The following TSC2 variants were observed in gnomAD, a reference collection of about 807,000 sequenced individuals.
TSC2 encodes the protein tuberin.
A neutral mutation model predicts 202.2 loss-of-function variants in TSC2; 29 were observed. The ratio of observed to expected loss-of-function variants is 0.14; its 90% CI spans 0.11 to 0.20. TSC2 has a LOEUF of 0.20. Ranked by LOEUF, TSC2 falls within the 10% of genes least tolerant of loss-of-function variation. TSC2 has a pLI of 1.00. For synonymous variants in TSC2, 1,349 were observed against 1,044.0 expected, an observed-to-expected ratio of 1.29 and a Z score of -5.63; for missense variants, 2,429 against 2,420.0, an observed-to-expected ratio of 1.00 and a Z score of -0.08.
chr16:2,077,621 A>G lies in TSC2; in HGVS notation c.2861A>G (p.Lys954Arg), dbSNP rs397515191. 1.2e-6 allele frequency: 2 copies of G among 1,613,098 alleles called. No individual in the cohort carries two copies. Among genetic ancestry groups the G allele is most frequent in the African/African-American group, 1.3e-5 (1 of 74,938 alleles). ...PKSLRIARPPKQGLNNSPPVK... is the reference protein window; with the variant it reads ...PKSLRIARPPRQGLNNSPPVK... Reference sequence around the variant, plus strand: ...AGTCTGAGGATAGCCAGACCCCCCAAACAAGGCTTGAATAACTCTCCACCC... The same window carrying G: ...AGTCTGAGGATAGCCAGACCCCCCAGACAAGGCTTGAATAACTCTCCACCC... The change falls in exon 26 of 42, where the codon AAA (lysine) becomes AGA (arginine). Residue 954 changes from lysine (K) to arginine (R), a missense_variant. By Grantham distance (26) the Lys-to-Arg change is conservative. Coordinates refer to ENST00000219476, the MANE Select transcript of TSC2 (RefSeq NM_000548.5).
In TSC2 at chr16:2,056,680, A is replaced by G; in HGVS notation, c.685A>G (p.Asn229Asp). Reference protein sequence around the residue: ...LQVLDAVVCYNCLPAESLPLF... With the variant: ...LQVLDAVVCYDCLPAESLPLF... Reference sequence around the variant, plus strand: ...GGTGCTGGACGCCGTGGTCTGCTACAACTGCCTGCCGGCTGAGAGCCTCCC... The same window carrying G: ...GGTGCTGGACGCCGTGGTCTGCTACGACTGCCTGCCGGCTGAGAGCCTCCC... Residue 229 changes from asparagine (N) to aspartate (D), a missense_variant, in exon 8 of 42, where the codon AAC (asparagine) becomes GAC (aspartate). Transcript: ENST00000219476. 6.2e-7 allele frequency: 1 copy of G among 1,612,424 alleles called. No homozygotes were observed. Among genetic ancestry groups the G allele is most frequent in the Non-Finnish European group, 8.5e-7 (1 of 1,180,014 alleles).
intron 31 of TSC2, 123 bp downstream of exon 31, chr16:2,081,921 C>G: frequency 1.5e-6 from 2 of 1,322,964 alleles, no homozygotes; most frequent in Non-Finnish European, 2.1e-6. Flanking sequence ...CCTGGCCTGC[C>G]TCAGCACCAT....
In TSC2 at chr16:2,088,748, T is replaced by C; in HGVS notation, c.*138T>C. 1 of 1,256,980 alleles carries C rather than the reference T, an allele frequency of 8.0e-7. No homozygotes were observed. The highest frequency in any genetic ancestry group is 1.1e-6 in the Non-Finnish European group (1 of 917,318). 77.9% of individuals were successfully genotyped at this position (1,256,980 alleles called of 1,614,324 possible). A position where few individuals can be genotyped will look rare whatever the true frequency, so the allele number is the denominator to read the frequency against. On this transcript the variant is annotated 3_prime_UTR_variant, in exon 42 of 42. Coordinates refer to ENST00000219476, the MANE Select transcript of TSC2 (RefSeq NM_000548.5). ...TCTTTTATTGACTTTGTCTGCTTGG[T>C]GCGGGGGTTGGGGGGGTGTCGAGGC...
intron 1 of TSC2, 144 bp downstream of exon 1, chr16:2,048,209 A>G: frequency 1.3e-6 from 2 of 1,519,514 alleles, no homozygotes; most frequent in South Asian, 1.2e-5. Context: ...CTTAGTTTTA[A>G]GTCATGGCGG....
intron 16 of TSC2, among the ~76,000 whole-genome samples, chr16:2,066,837 T>G (rs978701663): frequency 6.6e-6 from 1 of 151,950 alleles, no homozygotes; most frequent in Non-Finnish European, 1.5e-5. Flanking sequence ...ATTTTTTGTA[T>G]TATTAGTAGA....
chr16:2,050,597 A>AATT, intron 3 of TSC2, 111 bp downstream of exon 3: 9 of 703,256 alleles, frequency 1.3e-5, no homozygotes, highest in South Asian at 3.7e-5. Context: ...TCTGGTTTGC[A>AATT]CTTTTTTTTT....
In TSC2 at chr16:2,079,179, C is replaced by T. The variant is rs1567497089; in HGVS notation, c.3114C>T (p.Phe1038=). 1 of 1,612,934 alleles carries T rather than the reference C, an allele frequency of 6.2e-7. No individual in the cohort carries two copies. Among genetic ancestry groups the T allele is most frequent in the Non-Finnish European group, 8.5e-7 (1 of 1,180,024 alleles). The change falls in exon 27 of 42, where the codon TTC becomes TTT. Residue 1038 remains phenylalanine, a synonymous_variant. Transcript: ENST00000219476. This position sits in a 1 kb window ranked among gnomAD's most constrained non-coding sequence, Gnocchi z 4.6. ...TGGCTCGATACGTCTTCTCCAACTT[C>T]ACGGCTGTCCCGAAGAGGTCCAGGC... is the stretch of plus-strand genomic sequence containing the variant. ...DMMARYVFSN[F]TAVPKRSPVG... is the part of the protein sequence containing the mutation.
chr16:2,067,239 G>A (rs2087515424), intron 16 of TSC2, among the ~76,000 whole-genome samples: 1 of 151,942 alleles, frequency 6.6e-6, no homozygotes, highest in Non-Finnish European at 1.5e-5. Flanking sequence ...GCTCAGTGCA[G>A]CCTTGAACTC....
chr16:2,063,859 C>CA (rs1414154776), intron 14 of TSC2: 1 of 344,486 alleles, frequency 2.9e-6, no homozygotes, highest in Non-Finnish European at 5.7e-6. Flanking sequence ...CACGCACACA[C>CA]ACGCATATTC....
intron 17 of TSC2, among the ~76,000 whole-genome samples, 191 bp downstream of exon 17, chr16:2,070,769 A>T (rs1279672912): frequency 6.6e-6 from 1 of 152,170 alleles, no homozygotes; most frequent in Non-Finnish European, 1.5e-5. Flanking sequence ...CAGTCCACAC[A>T]TCTGTGGCTT....
chr16:2,088,956 C>T lies in TSC2; in HGVS notation c.*346C>T, dbSNP rs1228996345. On this transcript the variant is annotated 3_prime_UTR_variant, in exon 42 of 42. Coordinates refer to ENST00000219476, the MANE Select transcript of TSC2 (RefSeq NM_000548.5). ...CAGGAGGAGTCTTTTCCTCTAACCACCCTGGGGTCCTCTGACATGCCTAGT... is the reference window on the plus strand; with the variant it reads ...CAGGAGGAGTCTTTTCCTCTAACCATCCTGGGGTCCTCTGACATGCCTAGT... 3.2e-5 allele frequency: 11 copies of T among 339,900 alleles called. No homozygotes were observed. Among genetic ancestry groups the T allele is most frequent in the Non-Finnish European group, 5.6e-5 (10 of 179,532 alleles). The allele number at this position is 339,900 out of a possible 1,614,324, so 21.1% of individuals were successfully genotyped here. A position where few individuals can be genotyped will look rare whatever the true frequency, so the allele number is the denominator to read the frequency against.
chr16:2,085,839 G>T (rs974966986), intron 36 of TSC2, among the ~76,000 whole-genome samples: 2 of 152,106 alleles, frequency 1.3e-5, no homozygotes, highest in African/African-American at 2.4e-5. Context: ...GCCTGACTCC[G>T]CCCAGTCTCA....
rs1339579825 is a variant in TSC2, at chr16:2,083,834, C to T, written c.4005+18C>T. 6.2e-7 allele frequency: 1 copy of T among 1,606,820 alleles called. No homozygotes were observed. The highest frequency in any genetic ancestry group is 1.3e-5 in the African/African-American group (1 of 74,888). On this transcript the variant is annotated intron_variant, in intron 33 of 41. Coordinates refer to ENST00000219476, the MANE Select transcript of TSC2 (RefSeq NM_000548.5). ...ACAGCAGGGTGAGTGTGGCTCAGAG[C>T]CTGGACCCTGCTGACCTCGGGGGGC...
intron 26 of TSC2, chr16:2,078,670 G>A (rs1205908896): frequency 2.2e-5 from 8 of 369,810 alleles, no homozygotes; most frequent in South Asian, 9.4e-5. Flanking sequence ...GGCAGCCTGC[G>A]GGCAGAATGC....
intron 10 of TSC2, among the ~76,000 whole-genome samples, chr16:2,060,463 G>A (rs1037485359): frequency 6.6e-6 from 1 of 152,220 alleles, no homozygotes; most frequent in Non-Finnish European, 1.5e-5. Flanking sequence ...CAGGCATGGG[G>A]GTGGGGCCCG....
Position 2,079,964 on chromosome 16 carries a change from G to C in TSC2, c.3398-201G>C, listed in dbSNP as rs533325909. On this transcript the variant is annotated intron_variant, in intron 29 of 41. Transcript: ENST00000219476. This position sits in a 1 kb window ranked among gnomAD's most constrained non-coding sequence, Gnocchi z 4.6. ...TCCAGCGAGCCGTGGTCTGACTGCA[G>C]GACAGGTTCTGGGTCCCTCCCTGTG... Among the ~76,000 whole-genome samples the C allele has an allele frequency of 2.6e-5, 4 of 152,344 alleles. No homozygotes were observed. The highest frequency in any genetic ancestry group is 9.6e-5 in the African/African-American group (4 of 41,588).
At chr16:2,087,057 C>CT in intron 38 of TSC2, 186 bp downstream of exon 38, 1 of 845,390 alleles carries the variant, frequency 1.2e-6, no homozygotes, top group Non-Finnish European at 1.8e-6. Flanking sequence ...GCCCTGAAGC[C>CT]TGTGGCGCCT....
At chr16:2,065,286 G>C (rs556494048) in intron 15 of TSC2, 3 of 508,772 alleles carry the variant, frequency 5.9e-6, no homozygotes, top group African/African-American at 1.9e-5. Context: ...GGTGGCGGGC[G>C]CCTGTAGTCC....
At position 2,079,390 on chromosome 16, in the gene TSC2, C is replaced by T. The variant is rs764691385; in HGVS notation, c.3246C>T (p.Gly1082=). 1 of 1,612,826 alleles carries T rather than the reference C, an allele frequency of 6.2e-7. No homozygotes were observed. Among genetic ancestry groups the T allele is most frequent in the Non-Finnish European group, 8.5e-7 (1 of 1,180,006 alleles). ...GAACCGGGACCCGGTCGTTACTAGG[C>T]CTGGACTCGGGGGAGCTGCAGTCCG... The part of the protein sequence containing the change: ...SVGTGTRSLL[G]LDSGELQSGP... The change falls in exon 28 of 42, where the codon GGC becomes GGT. Residue 1082 remains glycine (G), a synonymous_variant. Coordinates refer to ENST00000219476, the MANE Select transcript of TSC2 (RefSeq NM_000548.5). This position sits in a 1 kb window ranked among gnomAD's most constrained non-coding sequence, Gnocchi z 4.6.
Sources: gnomAD v4.1 joint callset for allele counts (sites outside exome capture counted in the v4.1 genomes callset) on GRCh38, gnomAD v4.1.1 for gene constraint, Gnocchi (gnomAD v3.1) non-coding constraint, MANE v1.5 for transcripts, NCBI Gene and HGNC (gene_info 2026-07-23, HGNC 2026-07-21) for gene names.